Variants in RBFOX1 observed in about 807,000 individuals in gnomAD.
The protein encoded by RBFOX1 is RNA binding protein fox-1 homolog 1.
Under a neutral mutation model 57.7 loss-of-function variants are expected in RBFOX1, and 8 were observed. That is an observed-to-expected ratio of 0.14 (90% CI 0.08 to 0.25). The LOEUF (loss-of-function observed/expected upper bound fraction) is 0.25, where lower values mean the gene tolerates loss of function less well. Among genes scored for constraint, RBFOX1 ranks in the 10% least tolerant of loss-of-function variants. The pLI is 1.00. For synonymous variants in RBFOX1, 326 were observed against 222.4 expected (o/e 1.47, Z -4.15); for missense variants, 611 against 548.5 (o/e 1.11, Z -1.14).
chr16:6,995,745 A>T (rs921316310), intron 3 of RBFOX1, among the ~76,000 whole-genome samples: 2 of 152,094 alleles, frequency 1.3e-5, no homozygotes, highest in Non-Finnish European at 2.9e-5. Context: ...TGGGCCATAG[A>T]GTGAGACTCC....
At chr16:6,849,809 G>T (rs1892402611) in intron 3 of RBFOX1, among the ~76,000 whole-genome samples, 1 of 152,132 alleles carries the variant, frequency 6.6e-6, no homozygotes, top group Non-Finnish European at 1.5e-5. Flanking sequence ...TCTACCCACT[G>T]AAAATCCTCT....
At chr16:5,571,577 G>A (rs552617422) in intron 2 of RBFOX1, among the ~76,000 whole-genome samples, 68 of 152,166 alleles carry the variant, frequency 4.5e-4, no homozygotes, top group Non-Finnish European at 4.4e-5. Context: ...TCACATCTGC[G>A]CCCACCGCCA....
intron 2 of RBFOX1, among the ~76,000 whole-genome samples, chr16:6,449,662 C>T (rs2094551609): frequency 6.6e-6 from 1 of 152,160 alleles, no homozygotes; most frequent in South Asian, 2.1e-4. Flanking sequence ...TTAGCGTCAA[C>T]ACTGGGGTAA....
chr16:6,146,698 G>A (rs2096760929), intron 1 of RBFOX1, among the ~76,000 whole-genome samples: 1 of 152,196 alleles, frequency 6.6e-6, no homozygotes, highest in South Asian at 2.1e-4. Flanking sequence ...ACTGAATCAA[G>A]CTGTTATTTT....
rs1279160562 is a variant in RBFOX1, at chr16:7,710,981, G to A, written c.*236G>A. The stretch of plus-strand genomic sequence containing the variant: ...TCCGTAGTTTGGTTGCTGGCTGTAG[G>A]AGTTTTTGTGGTTGATCTAGACAGA... On this transcript the variant is annotated 3_prime_UTR_variant, in exon 16 of 16. Transcript: ENST00000550418. 2 of 452,776 alleles carry A rather than the reference G, an allele frequency of 4.4e-6. No homozygotes were observed. Among genetic ancestry groups the A allele is most frequent in the Non-Finnish European group, 7.2e-6 (2 of 277,376 alleles). The allele number at this position is 452,776 out of a possible 1,614,324, so 28.0% of individuals were successfully genotyped here.
intron 4 of RBFOX1, among the ~76,000 whole-genome samples, chr16:7,127,769 G>C (rs1197724295): frequency 2.0e-5 from 3 of 152,202 alleles, no homozygotes; most frequent in Non-Finnish European, 4.4e-5. Context: ...TAGCCCCGTG[G>C]AGGCAGGCTG....
intron 3 of RBFOX1, among the ~76,000 whole-genome samples, chr16:5,832,074 T>C (rs1316319541): frequency 6.6e-6 from 1 of 152,128 alleles, no homozygotes; most frequent in East Asian, 1.9e-4. Context: ...GGACCCTGTG[T>C]TGAGGAGGCA....
chr16:7,632,162 G>A (rs1368462400), intron 11 of RBFOX1, among the ~76,000 whole-genome samples: 1 of 152,278 alleles, frequency 6.6e-6, no homozygotes, highest in East Asian at 1.9e-4. Context: ...ATCCACCTCA[G>A]CCTCCCAAAG....
In RBFOX1 at chr16:7,216,293, A is replaced by C. The variant is rs548264608; in HGVS notation, c.27+164195A>C. Among the ~76,000 whole-genome samples the C allele has an allele frequency of 6.6e-5, 10 of 152,060 alleles. No homozygotes were observed. The South Asian group carries it at 2.1e-3, about 32-fold the overall frequency. On this transcript the variant is annotated intron_variant, in intron 4 of 15. Transcript: ENST00000550418. ...AGGTTCTCTCATTGACCATGAGCAG[A>C]AATCCAGCTAGTCTTTTGACTTGTC...
intron 4 of RBFOX1, among the ~76,000 whole-genome samples, chr16:5,940,618 A>T (rs1179424616): frequency 1.3e-5 from 2 of 152,046 alleles, no homozygotes; most frequent in Non-Finnish European, 2.9e-5. Flanking sequence ...GCACCAAAAG[A>T]CTCCTTCAGG....
chr16:6,019,610 C>T lies in RBFOX1; in HGVS notation c.-509C>T, dbSNP rs1376458530. Reference sequence around the variant, plus strand: ...CGGGGCTGAAGAAGGAAGGAGTGAGCCGAGCCGAGCACCCCACATCTGGAG... The same window carrying T: ...CGGGGCTGAAGAAGGAAGGAGTGAGTCGAGCCGAGCACCCCACATCTGGAG... On this transcript the variant is annotated 5_prime_UTR_variant, in exon 1 of 16. Transcript: ENST00000550418. The surrounding 1 kb of genome is among the most constrained non-coding windows in gnomAD (Gnocchi z 4.2). 4.9e-6 allele frequency: 6 copies of T among 1,233,628 alleles called. No individual in the cohort carries two copies. The Admixed American group carries it at 1.3e-4, about 26-fold the overall frequency. 76.4% of individuals were successfully genotyped at this position (1,233,628 alleles called of 1,614,324 possible).
Position 6,767,945 on chromosome 16 carries a change from AATAAGAAGAAGAAG to A in RBFOX1, c.-16+113297_-16+113310del, listed in dbSNP as rs1241726906. Among the ~76,000 whole-genome samples the A allele has an allele frequency of 2.1e-4, 16 of 76,906 alleles. No homozygotes were observed. In the East Asian group the frequency reaches 6.8e-3, roughly 33 times the overall value. 50.5% of individuals were successfully genotyped at this position (76,906 alleles called of 152,430 possible). On this transcript the variant is annotated intron_variant, in intron 3 of 15. Coordinates refer to ENST00000550418, the MANE Select transcript of RBFOX1 (RefSeq NM_018723.4). ...TAATAATAATAATAATAATAATAAT[AATAAGAAGAAGAAG>A]AAGAAGAAGAAGAAGAAGAAGAAGA...
At chr16:6,486,968 GAA>G (rs1015598127) in intron 2 of RBFOX1, among the ~76,000 whole-genome samples, 6 of 152,160 alleles carry the variant, frequency 3.9e-5, no homozygotes, top group Admixed American at 1.3e-4. Flanking sequence ...GGCACCAAGA[GAA>G]AGATAAAACG....
intron 2 of RBFOX1, among the ~76,000 whole-genome samples, chr16:6,423,181 C>CAGTCTGTCAA (rs2093824494): frequency 6.6e-6 from 1 of 152,218 alleles, no homozygotes; most frequent in Admixed American, 6.5e-5. Flanking sequence ...TGTCAACACC[C>CAGTCTGTCAA]AACTTTCTCT....
intron 4 of RBFOX1, among the ~76,000 whole-genome samples, chr16:7,207,751 G>T (rs957954982): frequency 6.6e-6 from 1 of 152,212 alleles, no homozygotes; most frequent in African/African-American, 2.4e-5. Flanking sequence ...CACAGCCAGG[G>T]TTAATTTGCC....
intron 11 of RBFOX1, among the ~76,000 whole-genome samples, chr16:7,649,758 T>A (rs2064555941): frequency 6.6e-6 from 1 of 152,144 alleles, no homozygotes; most frequent in African/African-American, 2.4e-5. Context: ...GAGCAGAACG[T>A]GGAGATCACC....
At chr16:5,817,151 A>C (rs1405402972) in intron 3 of RBFOX1, among the ~76,000 whole-genome samples, 1 of 151,364 alleles carries the variant, frequency 6.6e-6, no homozygotes, top group Non-Finnish European at 1.5e-5. Flanking sequence ...GTCGTCTTGC[A>C]CTCTTGTGCA....
chr16:5,534,071 G>A (rs2151041658), intron 2 of RBFOX1, among the ~76,000 whole-genome samples: 1 of 152,240 alleles, frequency 6.6e-6, no homozygotes, highest in East Asian at 1.9e-4. Flanking sequence ...CACATCTACT[G>A]CTGCCACCTG....
intron 3 of RBFOX1, among the ~76,000 whole-genome samples, chr16:6,955,680 G>T (rs964705475): frequency 2.5e-4 from 25 of 101,216 alleles, no homozygotes; most frequent in African/African-American, 6.6e-4. Flanking sequence ...TATTTATTTA[G>T]GTATGTATGT....
Sources: allele counts gnomAD v4.1 joint callset (sites outside exome capture counted in the v4.1 genomes callset), GRCh38; gene constraint gnomAD v4.1.1; non-coding constraint Gnocchi (gnomAD v3.1); transcripts MANE v1.5; gene names NCBI Gene and HGNC (gene_info 2026-07-23, HGNC 2026-07-21).